Variants in GMPR observed in about 807,000 individuals in gnomAD.
The protein encoded by GMPR is GMP reductase 1.
GMPR carries 31 observed loss-of-function variants against 38.4 expected under a neutral mutation model. The ratio of observed to expected loss-of-function variants is 0.81; its 90% confidence interval spans 0.61 to 1.09. GMPR has a LOEUF of 1.09. GMPR is among the 50% of genes least tolerant of loss of function. GMPR has a pLI of 0.00. For missense variants in GMPR, 468 were observed against 453.7 expected, an observed-to-expected ratio of 1.03 and a Z score of -0.29; for synonymous variants, 162 against 173.3, an observed-to-expected ratio of 0.93 and a Z score of 0.51.
chr6:16,268,032 A>G (rs1223932401), intron 4 of GMPR, among the ~76,000 whole-genome samples: 1 of 152,170 alleles, frequency 6.6e-6, no homozygotes. Context: ...TGTTCCTTGA[A>G]AGCTTGGGGC....
intron 6 of GMPR, among the ~76,000 whole-genome samples, chr6:16,280,157 G>A (rs969487520): frequency 4.6e-5 from 7 of 152,172 alleles, no homozygotes; most frequent in Non-Finnish European, 1.0e-4. Context: ...TATGGCACGT[G>A]TCTGTTGATT....
At chr6:16,293,002 T>C (rs1393361500) in intron 8 of GMPR, among the ~76,000 whole-genome samples, 1 of 151,152 alleles carries the variant, frequency 6.6e-6, no homozygotes, top group Non-Finnish European at 1.5e-5. Flanking sequence ...TGCACCTGTC[T>C]TACCTCTGTC....
chr6:16,278,322 C>A (rs193261432), intron 5 of GMPR, among the ~76,000 whole-genome samples: 1 of 152,024 alleles, frequency 6.6e-6, no homozygotes, highest in Non-Finnish European at 1.5e-5. Context: ...ACAGGCCGGG[C>A]AGTGAGGCTT....
At chr6:16,287,923 C>G (rs1759719935) in intron 7 of GMPR, among the ~76,000 whole-genome samples, 1 of 152,248 alleles carries the variant, frequency 6.6e-6, no homozygotes, top group Admixed American at 6.5e-5. Context: ...TTGAAGGCAT[C>G]AGGGCCACTT....
At chr6:16,283,427 C>G in intron 6 of GMPR, among the ~76,000 whole-genome samples, 1 of 152,114 alleles carries the variant, frequency 6.6e-6, no homozygotes, top group East Asian at 1.9e-4. Flanking sequence ...TAAACAGTAG[C>G]AGGAAGTAGA....
Position 16,238,800 on chromosome 6 carries a change from C to A in GMPR, c.87+20C>A. The A allele has an allele frequency of 1.4e-6, 2 of 1,388,560 alleles. No individual in the cohort carries two copies. The highest frequency in any genetic ancestry group is 1.9e-6 in the Non-Finnish European group (2 of 1,033,254). The allele number at this position is 1,388,560 out of a possible 1,614,324, so 86.0% of individuals were successfully genotyped here. On this transcript the variant is annotated intron_variant, in intron 1 of 8. Transcript: ENST00000259727. The stretch of plus-strand genomic sequence containing the variant: ...GCCGAGGTGGGGGACGTTCGGAAGT[C>A]GCAGTGGGGTGGGATTTTTTTTTCC...
intron 7 of GMPR, 119 bp from the exon 8 acceptor site, chr6:16,290,343 C>G (rs1420399667): frequency 1.1e-6 from 1 of 884,890 alleles, no homozygotes; most frequent in Non-Finnish European, 1.8e-6. Flanking sequence ...CAGCCTTTCT[C>G]TTGACTATAG....
intron 4 of GMPR, among the ~76,000 whole-genome samples, chr6:16,260,235 T>G (rs569734127): frequency 2.0e-3 from 311 of 151,914 alleles, no homozygotes; most frequent in African/African-American, 6.9e-3. Context: ...TCCTGAAGAC[T>G]GAGGACCGTA....
intron 7 of GMPR, among the ~76,000 whole-genome samples, chr6:16,289,329 C>T (rs1357913331): frequency 1.3e-5 from 2 of 152,214 alleles, no homozygotes; most frequent in Non-Finnish European, 2.9e-5. Flanking sequence ...GTAGCAGTTC[C>T]TTAGTTAATA....
intron 6 of GMPR, among the ~76,000 whole-genome samples, chr6:16,283,995 C>G (rs1377163911): frequency 6.6e-6 from 1 of 152,112 alleles, no homozygotes; most frequent in Non-Finnish European, 1.5e-5. Flanking sequence ...GAAGCATTAA[C>G]AAGGGGTATA....
chr6:16,244,068 C>T (rs534543953), intron 1 of GMPR, among the ~76,000 whole-genome samples: 1 of 149,970 alleles, frequency 6.7e-6, no homozygotes, highest in South Asian at 2.1e-4. Context: ...CTACCATGTT[C>T]TGGTGCCTTT....
At chr6:16,273,771 G>A (rs1438364699) in intron 4 of GMPR, among the ~76,000 whole-genome samples, 1 of 147,122 alleles carries the variant, frequency 6.8e-6, no homozygotes, top group Non-Finnish European at 1.5e-5. Flanking sequence ...TACCAAGAGT[G>A]TTTCATTGCT....
chr6:16,288,483 G>A (rs1171977188), intron 7 of GMPR, among the ~76,000 whole-genome samples: 1 of 152,216 alleles, frequency 6.6e-6, no homozygotes, highest in Non-Finnish European at 1.5e-5. Flanking sequence ...GGCCTTAGCT[G>A]CCTCCCTGCG....
intron 4 of GMPR, among the ~76,000 whole-genome samples, chr6:16,256,896 T>A (rs1467958971): frequency 6.6e-6 from 1 of 152,230 alleles, no homozygotes; most frequent in Non-Finnish European, 1.5e-5. Flanking sequence ...TGAGATTTCC[T>A]GGGTGGTAGG....
At chr6:16,266,723 A>G (rs1180815543) in intron 4 of GMPR, among the ~76,000 whole-genome samples, 4 of 151,536 alleles carry the variant, frequency 2.6e-5, no homozygotes, top group African/African-American at 7.3e-5. Context: ...AGGCAGGAGA[A>G]TTGCATGAAC....
intron 3 of GMPR, among the ~76,000 whole-genome samples, chr6:16,250,783 T>C (rs1758856696): frequency 6.6e-6 from 1 of 152,094 alleles, no homozygotes; most frequent in Admixed American, 6.6e-5. Context: ...GGGTCATGCC[T>C]GTAATCCCAG....
At chr6:16,279,471 C>T (rs1198861853) in intron 6 of GMPR, among the ~76,000 whole-genome samples, 1 of 152,234 alleles carries the variant, frequency 6.6e-6, no homozygotes, top group Non-Finnish European at 1.5e-5. Context: ...GTCCATTGTT[C>T]CTGTTTCCAA....
intron 7 of GMPR, chr6:16,290,174 G>T: frequency 3.2e-6 from 1 of 311,356 alleles, no homozygotes; most frequent in South Asian, 6.2e-5. Context: ...ATCTGAGGAA[G>T]GTGGTCGTAG....
At chr6:16,265,430 C>A (rs960673353) in intron 4 of GMPR, among the ~76,000 whole-genome samples, 6 of 151,244 alleles carry the variant, frequency 4.0e-5, no homozygotes, top group Non-Finnish European at 8.8e-5. Context: ...TTGCTGTTGT[C>A]CCCCACATGC....
Sources: allele counts gnomAD v4.1 joint callset (sites outside exome capture counted in the v4.1 genomes callset), GRCh38; gene constraint gnomAD v4.1.1; transcripts MANE v1.5; gene names NCBI Gene and HGNC (gene_info 2026-07-23, HGNC 2026-07-21).